PLOD2: variants seen among roughly 807,000 people sequenced by gnomAD.
PLOD2 encodes the protein procollagen-lysine,2-oxoglutarate 5-dioxygenase 2.
In PLOD2, 65 loss-of-function variants were observed where a neutral mutation model predicts 101.0. The observed-to-expected ratio is 0.64, with a 90% CI of 0.53 to 0.79. The LOEUF is 0.79. PLOD2 is among the 30% of genes least tolerant of loss of function. The pLI is 0.00. For missense variants in PLOD2, 909 were observed against 914.6 expected (o/e 0.99, Z 0.08); for synonymous variants, 314 against 302.9 (o/e 1.04, Z -0.38).
At chr3:146,076,947 A>C (rs754709890) in intron 14 of PLOD2, 52 bp from the exon 15 acceptor site, 24 of 1,388,080 alleles carry the variant, frequency 1.7e-5, no homozygotes, top group Non-Finnish European at 2.4e-5. Context: ...ACAAAAGTAA[A>C]TTTAATCATA....
chr3:146,099,801 A>G (rs1937322174), intron 7 of PLOD2, among the ~76,000 whole-genome samples: 1 of 152,078 alleles, frequency 6.6e-6, no homozygotes, highest in South Asian at 2.1e-4. Context: ...AGTATCACAG[A>G]CAGCTAAAAC....
At chr3:146,125,678 C>T (rs928029446) in intron 1 of PLOD2, among the ~76,000 whole-genome samples, 15 of 151,966 alleles carry the variant, frequency 9.9e-5, no homozygotes, top group African/African-American at 2.9e-4. Context: ...ACTCGGGGGG[C>T]GGAGATGGTA....
At chr3:146,091,151 T>C (rs1396682921) in intron 8 of PLOD2, among the ~76,000 whole-genome samples, 14 of 151,826 alleles carry the variant, frequency 9.2e-5, no homozygotes. Flanking sequence ...AGTAGCAACA[T>C]GCCTAGAATA....
chr3:146,083,612 C>A (rs1333965190), intron 11 of PLOD2, among the ~76,000 whole-genome samples: 1 of 137,162 alleles, frequency 7.3e-6, no homozygotes, highest in East Asian at 2.1e-4. Flanking sequence ...GACGGAGTCT[C>A]GCTGTGTCGC....
chr3:146,113,965 G>C (rs1381291385), intron 3 of PLOD2, among the ~76,000 whole-genome samples: 2 of 152,074 alleles, frequency 1.3e-5, no homozygotes, highest in African/African-American at 4.8e-5. Flanking sequence ...GCTTTCCTAG[G>C]GGTAGGTCTC....
At chr3:146,153,500 A>C (rs2032161120) in intron 1 of PLOD2, among the ~76,000 whole-genome samples, 1 of 152,176 alleles carries the variant, frequency 6.6e-6, no homozygotes, top group African/African-American at 2.4e-5. Context: ...CAAACCATTT[A>C]AAACAGAATA....
intron 2 of PLOD2, among the ~76,000 whole-genome samples, chr3:146,122,823 T>C (rs941589924): frequency 3.9e-5 from 6 of 152,196 alleles, no homozygotes; most frequent in African/African-American, 1.2e-4. Context: ...CTTAACAGCA[T>C]ATCATATATA....
At chr3:146,152,016 C>G (rs1266093088) in intron 1 of PLOD2, among the ~76,000 whole-genome samples, 1 of 152,132 alleles carries the variant, frequency 6.6e-6, no homozygotes, top group African/African-American at 2.4e-5. Context: ...GCTAAATAAA[C>G]TAATGTAGAT....
At chr3:146,158,903 T>C (rs2032430158) in intron 1 of PLOD2, among the ~76,000 whole-genome samples, 1 of 152,194 alleles carries the variant, frequency 6.6e-6, no homozygotes, top group African/African-American at 2.4e-5. Context: ...TAAAGAACTA[T>C]TAAGCTAGAC....
chr3:146,123,943 C>A (rs1464506421), intron 2 of PLOD2, among the ~76,000 whole-genome samples, 195 bp downstream of exon 2: 2 of 151,920 alleles, frequency 1.3e-5, no homozygotes, highest in Admixed American at 6.6e-5. Context: ...CTTTGGCTAT[C>A]CCCTCACCTC....
At chr3:146,089,120 A>G (rs1936890334) in intron 8 of PLOD2, among the ~76,000 whole-genome samples, 1 of 151,574 alleles carries the variant, frequency 6.6e-6, no homozygotes, top group Non-Finnish European at 1.5e-5. Flanking sequence ...CCTCGGCTTA[A>G]AGTTCAGGGC....
chr3:146,150,387 G>A (rs1057431325), intron 1 of PLOD2, among the ~76,000 whole-genome samples: 2 of 150,184 alleles, frequency 1.3e-5, no homozygotes, highest in Admixed American at 6.6e-5. Flanking sequence ...TAACTTCTAC[G>A]TAGCCATTAA....
At position 146,110,378 on chromosome 3, in the gene PLOD2, C is replaced by A; in HGVS notation, c.409G>T (p.Val137Phe). Residue 137 changes from valine (V) to phenylalanine (F), a missense_variant, in exon 4 of 20, where the codon GTC becomes TTC. Physicochemically the swap from Val to Phe is conservative, Grantham distance 50 (BLOSUM62 -1). Transcript: ENST00000282903. Reference protein sequence around the residue: ...KKFQKANHKVVFAADGILWPD... With the variant: ...KKFQKANHKVFFAADGILWPD... The stretch of plus-strand genomic sequence containing the variant: ...CACAAAATTCCATCTGCTGCAAAGA[C>A]CACTTTGTGGTTTGCCTTTTGGAAT... 6.2e-7 allele frequency: 1 copy of A among 1,613,566 alleles called. No homozygotes were observed. The highest frequency in any genetic ancestry group is 8.5e-7 in the Non-Finnish European group (1 of 1,179,598).
At chr3:146,092,025 A>C (rs932369086) in intron 7 of PLOD2, 124 bp from the exon 8 acceptor site, 1 of 675,116 alleles carries the variant, frequency 1.5e-6, no homozygotes, top group African/African-American at 1.8e-5. Context: ...TAATTCTACT[A>C]ATATATCATC....
At chr3:146,143,097 A>G (rs1384140147) in intron 1 of PLOD2, among the ~76,000 whole-genome samples, 1 of 152,084 alleles carries the variant, frequency 6.6e-6, no homozygotes, top group African/African-American at 2.4e-5. Flanking sequence ...ATTTTGGCCT[A>G]CTTCCTAGAG....
chr3:146,123,281 TCTC>T, intron 2 of PLOD2: 3 of 1,172,270 alleles, frequency 2.6e-6, no homozygotes, highest in Non-Finnish European at 3.2e-6. Flanking sequence ...ATCTCCTTGT[TCTC>T]CTCTTATTTG....
rs145296861 is a variant in PLOD2 at position 146,094,669 on chromosome 3, T to C, written c.778-2768A>G. Among the ~76,000 whole-genome samples, 631 of 152,248 alleles carry C rather than the reference T, an allele frequency of 4.1e-3. 2 individuals carry two copies. Among genetic ancestry groups the C allele is most frequent in the Middle Eastern group, 0.014 (4 of 294 alleles). ...TCCAAAGTAATTTATAGATTCAATG[T>C]TATTCCCATCAAGCTACCATTGACT... On this transcript the variant is annotated intron_variant, in intron 7 of 19. Transcript: ENST00000282903.
At chr3:146,087,015 A>AT in intron 9 of PLOD2, 107 bp from the exon 10 acceptor site, 1 of 571,524 alleles carries the variant, frequency 1.7e-6, no homozygotes, top group Non-Finnish European at 3.0e-6. Flanking sequence ...TCTACAATTC[A>AT]GATATTCAAT....
chr3:146,100,502 A>T (rs967365597), intron 7 of PLOD2, among the ~76,000 whole-genome samples: 48 of 152,212 alleles, frequency 3.2e-4, no homozygotes, highest in African/African-American at 1.2e-3. Flanking sequence ...CCAAAAAGTA[A>T]AGACTACACT....
Sources: allele counts gnomAD v4.1 joint callset (sites outside exome capture counted in the v4.1 genomes callset), GRCh38; gene constraint gnomAD v4.1.1; transcripts MANE v1.5; gene names NCBI Gene and HGNC (gene_info 2026-07-23, HGNC 2026-07-21).